Variants in UNC13B observed in about 807,000 individuals in gnomAD.
The protein encoded by UNC13B is protein unc-13 homolog B.
UNC13B carries 144 observed loss-of-function variants against 211.0 expected under a neutral mutation model. The observed-to-expected ratio is 0.68, with a 90% CI of 0.60 to 0.78. The LOEUF (loss-of-function observed/expected upper bound fraction) is 0.78, where lower values mean the gene tolerates loss of function less well. UNC13B is among the 30% of genes least tolerant of loss of function. The pLI, the probability that UNC13B is intolerant of heterozygous loss-of-function variation, is 0.00. For synonymous variants in UNC13B, 709 were observed against 725.8 expected, an observed-to-expected ratio of 0.98 and a Z score of 0.37; for missense variants, 1,777 against 2,002.0, an observed-to-expected ratio of 0.89 and a Z score of 2.14.
intron 6 of UNC13B, among the ~76,000 whole-genome samples, chr9:35,251,352 C>T (rs918899713): frequency 6.6e-6 from 1 of 152,110 alleles, no homozygotes; most frequent in Non-Finnish European, 1.5e-5. Context: ...CTGGGGGGGC[C>T]GAGGTGGTCA....
rs1355285032 is a variant in UNC13B, at chr9:35,236,507, T to A, written c.191T>A (p.Val64Glu). Residue 64 changes from valine to glutamate, a missense_variant, in exon 4 of 40, where the codon GTA becomes GAA. Physicochemically the swap from Val to Glu is moderately radical, Grantham distance 121. Coordinates refer to ENST00000635942, the MANE Select transcript of UNC13B (RefSeq NM_001371189.2). ...SRLDLGLSVE[V>E]WNKGLIWDTM... ...CTGGACCTGGGTCTAAGTGTGGAGG[T>A]ATGGAACAAAGGACTGATCTGGGAC... is the stretch of plus-strand genomic sequence containing the variant. 6.2e-7 allele frequency: 1 copy of A among 1,613,906 alleles called. No homozygotes were observed. The highest frequency in any genetic ancestry group is 1.7e-5 in the Admixed American group (1 of 59,974).
intron 1 of UNC13B, among the ~76,000 whole-genome samples, chr9:35,213,776 G>T (rs543822417): frequency 1.3e-5 from 2 of 152,270 alleles, no homozygotes; most frequent in East Asian, 3.9e-4. Context: ...TTCATAACCA[G>T]AGGCTTGTGC....
At chr9:35,184,169 G>A (rs2131315098) in intron 1 of UNC13B, among the ~76,000 whole-genome samples, 1 of 150,968 alleles carries the variant, frequency 6.6e-6, no homozygotes, top group African/African-American at 2.4e-5. Context: ...GCCAGGCAGA[G>A]GCGCCCCTCA....
intron 3 of UNC13B, among the ~76,000 whole-genome samples, chr9:35,233,462 T>C (rs1463690937): frequency 3.9e-5 from 6 of 152,186 alleles, no homozygotes; most frequent in Non-Finnish European, 7.3e-5. Flanking sequence ...CTACTTTCTC[T>C]ACTTTTCTGC....
intron 1 of UNC13B, among the ~76,000 whole-genome samples, chr9:35,214,439 A>T (rs13286446): frequency 6.6e-6 from 1 of 152,120 alleles, no homozygotes; most frequent in Admixed American, 6.6e-5. Context: ...AAACAAACAA[A>T]CAATCAACAA....
intron 1 of UNC13B, among the ~76,000 whole-genome samples, chr9:35,183,020 C>A (rs1368957313): frequency 6.6e-6 from 1 of 151,378 alleles, no homozygotes; most frequent in Non-Finnish European, 1.5e-5. Context: ...CCAGATGGGG[C>A]GGCCTGGCAG....
chr9:35,274,939 G>C (rs1187927648), intron 7 of UNC13B, among the ~76,000 whole-genome samples: 1 of 152,172 alleles, frequency 6.6e-6, no homozygotes, highest in Non-Finnish European at 1.5e-5. Flanking sequence ...TGGGTTTGGA[G>C]CTTTTTGTTC....
intron 7 of UNC13B, among the ~76,000 whole-genome samples, chr9:35,280,493 C>T (rs937335288): frequency 4.6e-5 from 7 of 151,946 alleles, no homozygotes; most frequent in African/African-American, 1.2e-4. Context: ...CTGAGAGACA[C>T]GAAAATATAC....
At chr9:35,247,274 A>C (rs1826159518) in intron 6 of UNC13B, among the ~76,000 whole-genome samples, 1 of 152,200 alleles carries the variant, frequency 6.6e-6, no homozygotes, top group Non-Finnish European at 1.5e-5. Context: ...GGGGTTTTCT[A>C]GATATACAAT....
intron 15 of UNC13B, among the ~76,000 whole-genome samples, chr9:35,376,942 G>A (rs959160622): frequency 3.9e-5 from 6 of 152,192 alleles, no homozygotes. Context: ...CCCAGGAAAA[G>A]CAGGGGTGAA....
rs1836512247 is a variant in UNC13B, at chr9:35,403,898, C to T, written c.12888C>T (p.Pro4296=). Residue 4296 remains proline (P), a synonymous_variant, in exon 40 of 40, where the codon CCC becomes CCT. Transcript: ENST00000635942. ...TAKGSCACWC[P]LGRKIHMDET... is the part of the protein sequence containing the mutation. ...AGGGCAGCTGTGCCTGCTGGTGCCC[C>T]TTGGGCCGGAAGATCCATATGGATG... 2 of 1,614,152 alleles carry T rather than the reference C, an allele frequency of 1.2e-6. No individual in the cohort carries two copies. The highest frequency in any genetic ancestry group is 2.2e-5 in the East Asian group (1 of 44,878).
At chr9:35,280,256 A>G (rs1170187503) in intron 7 of UNC13B, among the ~76,000 whole-genome samples, 1 of 152,196 alleles carries the variant, frequency 6.6e-6, no homozygotes, top group Non-Finnish European at 1.5e-5. Context: ...GTTATTTGCA[A>G]TGTAAAGTTT....
intron 26 of UNC13B, among the ~76,000 whole-genome samples, chr9:35,396,006 T>C (rs1439729786): frequency 6.6e-6 from 1 of 152,230 alleles, no homozygotes; most frequent in Admixed American, 6.5e-5. Context: ...GTCTCTGTAG[T>C]TGTCACTGAC....
Position 35,399,307 on chromosome 9 carries a change from C to T in UNC13B, c.12198+23C>T. ...ACGGTAAGGACACCTCCTTCCACTTCCTCCTGCTGTCTCCCTTCCCCTCAC... is the reference window on the plus strand; with the variant it reads ...ACGGTAAGGACACCTCCTTCCACTTTCTCCTGCTGTCTCCCTTCCCCTCAC... On this transcript the variant is annotated intron_variant, in intron 34 of 39. Transcript: ENST00000635942. 1.2e-6 allele frequency: 2 copies of T among 1,614,152 alleles called. 1 individual carries two copies. The highest frequency in any genetic ancestry group is 2.2e-5 in the South Asian group (2 of 91,078).
intron 1 of UNC13B, among the ~76,000 whole-genome samples, chr9:35,182,771 G>C (rs1822013023): frequency 6.6e-6 from 1 of 152,194 alleles, no homozygotes; most frequent in South Asian, 2.1e-4. Context: ...ACATGTTTCA[G>C]AGAGCACTGG....
intron 7 of UNC13B, among the ~76,000 whole-genome samples, chr9:35,279,104 A>G (rs574147894): frequency 6.6e-6 from 1 of 152,344 alleles, no homozygotes; most frequent in East Asian, 1.9e-4. Flanking sequence ...GACATTTAGT[A>G]CATTCATAAA....
chr9:35,226,772 C>A (rs1458255380), intron 1 of UNC13B, among the ~76,000 whole-genome samples: 1 of 152,136 alleles, frequency 6.6e-6, no homozygotes, highest in Non-Finnish European at 1.5e-5. Context: ...TGGTACCCAC[C>A]CAGGTTGAGG....
Position 35,338,547 on chromosome 9 carries a change from C to T in UNC13B, c.9414+24558C>T, listed in dbSNP as rs1040227755. 7.9e-5 allele frequency among the ~76,000 whole-genome samples: 12 copies of T among 152,152 alleles called. No individual in the cohort carries two copies. The East Asian group carries it at 9.6e-4, about 12-fold the overall frequency. The stretch of plus-strand genomic sequence containing the variant: ...ATGGTGTAGGGAGGGCATCATTCTA[C>T]AGCGGGAAAAATGACTTTTCTTAGC... On this transcript the variant is annotated intron_variant, in intron 11 of 39. Coordinates refer to ENST00000635942, the MANE Select transcript of UNC13B (RefSeq NM_001371189.2).
intron 1 of UNC13B, among the ~76,000 whole-genome samples, chr9:35,187,694 C>T (rs1822435120): frequency 6.6e-6 from 1 of 152,206 alleles, no homozygotes; most frequent in East Asian, 1.9e-4. Context: ...CCTCTTAGAG[C>T]TGAACCCAGC....
Sources: gnomAD v4.1 joint callset for allele counts (sites outside exome capture counted in the v4.1 genomes callset) on GRCh38, gnomAD v4.1.1 for gene constraint, MANE v1.5 for transcripts, NCBI Gene and HGNC (gene_info 2026-07-23, HGNC 2026-07-21) for gene names.